EIF3A: variants seen among roughly 807,000 people sequenced by gnomAD.
The protein encoded by EIF3A is EIF3, p180 subunit.
A neutral mutation model predicts 186.6 loss-of-function variants in EIF3A; 21 were observed. That is an observed-to-expected ratio of 0.11 (90% CI 0.08 to 0.16). The LOEUF is 0.16. Among genes scored for constraint, EIF3A ranks in the 10% least tolerant of loss-of-function variants. The probability of loss-of-function intolerance (pLI) is 1.00; values close to 1 mark genes in which losing one functional copy is unlikely to be tolerated. For missense variants in EIF3A, 1,306 were observed against 1,796.3 expected, an observed-to-expected ratio of 0.73 and a Z score of 4.93; for synonymous variants, 563 against 584.3, an observed-to-expected ratio of 0.96 and a Z score of 0.52.
intron 14 of EIF3A, among the ~76,000 whole-genome samples, chr10:119,053,647 G>T (rs759887358): frequency 3.9e-5 from 6 of 152,050 alleles, no homozygotes; most frequent in Non-Finnish European, 7.4e-5. Context: ...TTGAGCCCAG[G>T]GGGTAGATAC....
chr10:119,041,864 CA>C, intron 19 of EIF3A, 129 bp downstream of exon 19: 1 of 1,026,902 alleles, frequency 9.7e-7, no homozygotes, highest in Non-Finnish European at 1.4e-6. Flanking sequence ...GAAGTCACTG[CA>C]AATGATACTG....
intron 1 of EIF3A, among the ~76,000 whole-genome samples, chr10:119,076,746 G>A (rs968075392): frequency 6.6e-6 from 1 of 151,932 alleles, no homozygotes; most frequent in Admixed American, 6.6e-5. Flanking sequence ...GATCAGCCTG[G>A]GCAACATGGT....
chr10:119,074,098 A>G (rs1188415992), intron 1 of EIF3A, among the ~76,000 whole-genome samples, 161 bp from the exon 2 acceptor site: 4 of 152,136 alleles, frequency 2.6e-5, no homozygotes, highest in Non-Finnish European at 5.9e-5. Context: ...ATCAAAAGTA[A>G]AACAACAGAA....
intron 19 of EIF3A, among the ~76,000 whole-genome samples, chr10:119,040,235 G>A (rs1163929956): frequency 1.3e-5 from 2 of 152,142 alleles, no homozygotes; most frequent in Non-Finnish European, 2.9e-5. Context: ...CCAGTTAGCG[G>A]GTGAGGAAAA....
At position 119,060,835 on chromosome 10, in the gene EIF3A, A is replaced by T. The variant is rs773165564; in HGVS notation, c.1237T>A (p.Trp413Arg). ...LCERVTKVLNWVREQPEKEPE... is the reference protein window; with the variant it reads ...LCERVTKVLNRVREQPEKEPE... ...TCCTTTTCAGGTTGTTCCCTAACCC[A>T]ATTTAGAACCTATAAAATCCATTAA... The change falls in exon 9 of 22, where the codon TGG (tryptophan) becomes AGG (arginine). Residue 413 changes from tryptophan (W) to arginine (R), a missense_variant. Physicochemically the swap from Trp to Arg is moderately radical, Grantham distance 101. This residue lies in a region of EIF3A where 267 missense variants were observed against 367.8 expected (regional missense o/e 0.73). Transcript: ENST00000369144. The T allele has an allele frequency of 1.7e-5, 27 of 1,604,556 alleles. No homozygotes were observed. Among genetic ancestry groups the T allele is most frequent in the Non-Finnish European group, 8.5e-7 (1 of 1,175,644 alleles).
chr10:119,059,778 G>A (rs965107467), intron 9 of EIF3A, 60 bp from the exon 10 acceptor site: 1 of 1,064,470 alleles, frequency 9.4e-7, no homozygotes, highest in East Asian at 2.4e-5. Context: ...CTTTTTATGT[G>A]CAATCTCATG....
At position 119,073,572 on chromosome 10, in the gene EIF3A, G is replaced by A. The variant is rs777979611; in HGVS notation, c.246C>T (p.Asn82=). The change falls in exon 3 of 22, where the codon AAC becomes AAT. Residue 82 remains asparagine (N), a synonymous_variant. Coordinates refer to ENST00000369144, the MANE Select transcript of EIF3A (RefSeq NM_003750.4). ...TAACAACATCCTCCAGAGATTTTATGTTCACCTAATCCAAAAAAACAAAAA... is the reference window on the plus strand; with the variant it reads ...TAACAACATCCTCCAGAGATTTTATATTCACCTAATCCAAAAAAACAAAAA... ...YQYKNICQQV[N]IKSLEDVVRA... is the part of the protein sequence containing the mutation. The A allele has an allele frequency of 5.0e-6, 8 of 1,610,880 alleles. No individual in the cohort carries two copies. Among genetic ancestry groups the A allele is most frequent in the East Asian group, 2.2e-5 (1 of 44,838 alleles).
At chr10:119,055,053 CA>C (rs779936883) in intron 14 of EIF3A, among the ~76,000 whole-genome samples, 2 of 151,972 alleles carry the variant, frequency 1.3e-5, no homozygotes, top group African/African-American at 4.8e-5. Flanking sequence ...ACTAAAAACA[CA>C]AAAACTAGCC....
intron 7 of EIF3A, 69 bp from the exon 8 acceptor site, chr10:119,061,397 T>C: frequency 1.0e-5 from 7 of 673,300 alleles, no homozygotes; most frequent in Non-Finnish European, 1.5e-5. Context: ...GAACTTAGTA[T>C]AAATGATAGC....
chr10:119,062,638 TCA>T (rs1210948304), intron 7 of EIF3A, among the ~76,000 whole-genome samples: 2 of 152,086 alleles, frequency 1.3e-5, no homozygotes, highest in Non-Finnish European at 2.9e-5. Context: ...AATGACTTGC[TCA>T]CAGAGTTTTA....
chr10:119,062,646 T>C (rs1177796052), intron 7 of EIF3A, among the ~76,000 whole-genome samples: 2 of 152,054 alleles, frequency 1.3e-5, no homozygotes, highest in African/African-American at 4.8e-5. Flanking sequence ...GCTCACAGAG[T>C]TTTAGTGGCT....
chr10:119,043,254 A>T (rs1848238733), intron 18 of EIF3A, among the ~76,000 whole-genome samples: 1 of 152,206 alleles, frequency 6.6e-6, no homozygotes, highest in African/African-American at 2.4e-5. Flanking sequence ...CCTCGGGTCT[A>T]CTAAAAATGC....
At position 119,059,311 on chromosome 10, in the gene EIF3A, A is replaced by G. The variant is rs745592896; in HGVS notation, c.1530T>C (p.His510=). 2.5e-6 allele frequency: 4 copies of G among 1,613,602 alleles called. No individual in the cohort carries two copies. In the Admixed American group the frequency reaches 5.0e-5, roughly 20 times the overall value. Residue 510 remains histidine, a synonymous_variant, in exon 11 of 22, where the codon CAT becomes CAC. Transcript: ENST00000369144. The stretch of plus-strand genomic sequence containing the variant: ...TCTGCTCTGAAGGCATGCTTTGCAA[A>G]TGAGGACCAATCGGAGCATCTTCTC... ...ATREDAPIGP[H]LQSMPSEQIR... is the part of the protein sequence containing the mutation.
At chr10:119,068,211 T>G (rs2119819918) in intron 6 of EIF3A, among the ~76,000 whole-genome samples, 1 of 152,350 alleles carries the variant, frequency 6.6e-6, no homozygotes, top group South Asian at 2.1e-4. Flanking sequence ...TTCTATAGTT[T>G]GTTGCTAGAG....
intron 11 of EIF3A, 57 bp from the exon 12 acceptor site, chr10:119,058,360 GC>G: frequency 8.1e-7 from 1 of 1,236,068 alleles, no homozygotes; most frequent in East Asian, 2.5e-5. Flanking sequence ...CTGGTATTAG[GC>G]ATCAAAGAAA....
chr10:119,049,671 G>C (rs1445772411), intron 17 of EIF3A, 130 bp downstream of exon 17: 1 of 740,160 alleles, frequency 1.4e-6, no homozygotes, highest in African/African-American at 1.8e-5. Context: ...AGAATCACTT[G>C]AACCCGGGGG....
intron 2 of EIF3A, 41 bp from the exon 3 acceptor site, chr10:119,073,618 C>T (rs369349404): frequency 1.5e-4 from 232 of 1,595,900 alleles, no homozygotes; most frequent in Non-Finnish European, 1.9e-4. Flanking sequence ...CTTATTTTTC[C>T]ATTGAACCAT....
At chr10:119,067,187 G>A (rs939341663) in intron 6 of EIF3A, among the ~76,000 whole-genome samples, 5 of 151,758 alleles carry the variant, frequency 3.3e-5, no homozygotes, top group African/African-American at 1.2e-4. Flanking sequence ...TTGCACTCCA[G>A]CTTGGGCAAC....
chr10:119,072,432 G>GGTTTT (rs59846549), intron 4 of EIF3A, among the ~76,000 whole-genome samples: 2,698 of 150,084 alleles, frequency 0.018, 85 homozygotes, highest in African/African-American at 0.061. Context: ...CAGTCATTTT[G>GGTTTT]GTTTTGTTTT....
Sources: allele counts gnomAD v4.1 joint callset (sites outside exome capture counted in the v4.1 genomes callset), GRCh38; gene constraint gnomAD v4.1.1; regional missense constraint gnomAD v4.1.1; transcripts MANE v1.5; gene names NCBI Gene and HGNC (gene_info 2026-07-23, HGNC 2026-07-21).